Variants in RNF38 observed in about 807,000 individuals in gnomAD.
RNF38 encodes E3 ubiquitin-protein ligase RNF38.
In RNF38, 15 loss-of-function variants were observed where a neutral mutation model predicts 67.2. The ratio of observed to expected loss-of-function variants is 0.22; its 90% CI spans 0.15 to 0.34. RNF38 has a LOEUF of 0.34. Among genes scored for constraint, RNF38 ranks in the 10% least tolerant of loss-of-function variants. RNF38 has a pLI of 1.00. For synonymous variants in RNF38, 220 were observed against 218.8 expected (o/e 1.01, Z -0.05); for missense variants, 524 against 639.9 (o/e 0.82, Z 1.95).
At chr9:36,416,626 C>G (rs1418941074) in intron 2 of RNF38, among the ~76,000 whole-genome samples, 1 of 151,912 alleles carries the variant, frequency 6.6e-6, no homozygotes, top group African/African-American at 2.4e-5. Flanking sequence ...TCCCTGTGGT[C>G]CTTCCCCATT....
At chr9:36,433,982 T>C (rs1241811725) in intron 1 of RNF38, among the ~76,000 whole-genome samples, 7 of 151,800 alleles carry the variant, frequency 4.6e-5, no homozygotes, top group Non-Finnish European at 8.8e-5. Context: ...CTCATGCCTG[T>C]AATTCCAGAC....
chr9:36,454,330 T>C (rs756470216), intron 1 of RNF38, among the ~76,000 whole-genome samples: 4 of 152,062 alleles, frequency 2.6e-5, no homozygotes, highest in Non-Finnish European at 5.9e-5. Context: ...GTTTTGCCAA[T>C]GTTGGCCAGG....
At chr9:36,400,914 GCCCCGCCGCA>G (rs1183050453), upstream of RNF38, 42 of 940,232 alleles carry the variant, frequency 4.5e-5, no homozygotes, top group East Asian at 1.3e-4. Flanking sequence ...GCCCCGCCGC[GCCCCGCCGCA>G]CCCCGCCTCA....
Position 36,339,715 on chromosome 9 carries a change from AG to A in RNF38, c.*36del. The A allele has an allele frequency of 6.5e-7, 1 of 1,541,428 alleles. No homozygotes were observed. Among genetic ancestry groups the A allele is most frequent in the Non-Finnish European group, 8.9e-7 (1 of 1,117,426 alleles). On this transcript the variant is annotated 3_prime_UTR_variant, in exon 12 of 12. Coordinates refer to ENST00000259605, the MANE Select transcript of RNF38 (RefSeq NM_022781.5). ...GGATAGTCCGTATATACATGTGATG[AG>A]GAACACCCAAACTAAATTTGTGCTT...
intron 1 of RNF38, among the ~76,000 whole-genome samples, chr9:36,444,809 G>T (rs1839265889): frequency 6.6e-6 from 1 of 151,374 alleles, no homozygotes. Context: ...CTCAAAAAAA[G>T]ATTTGAATAA....
intron 2 of RNF38, among the ~76,000 whole-genome samples, chr9:36,421,381 G>A (rs1378635157): frequency 2.0e-5 from 3 of 152,060 alleles, no homozygotes; most frequent in Non-Finnish European, 1.5e-5. Context: ...AAGCAGGTTG[G>A]GGCCAGGCAT....
chr9:36,346,339 G>A (rs1833237384), intron 9 of RNF38, among the ~76,000 whole-genome samples: 1 of 152,052 alleles, frequency 6.6e-6, no homozygotes, highest in Non-Finnish European at 1.5e-5. Flanking sequence ...CTGAGTAGCT[G>A]CCCAGCTAAT....
chr9:36,376,866 T>A (rs1039386949), intron 2 of RNF38, among the ~76,000 whole-genome samples: 1 of 150,758 alleles, frequency 6.6e-6, no homozygotes, highest in African/African-American at 2.4e-5. Context: ...GCGGAGGTTG[T>A]TGTGAGCTGA....
chr9:36,455,910 C>CAA (rs557637828), intron 1 of RNF38, among the ~76,000 whole-genome samples: 15 of 94,202 alleles, frequency 1.6e-4, no homozygotes, highest in Admixed American at 2.3e-4. Flanking sequence ...GACTCCACCT[C>CAA]AAAAAAAAAA....
At chr9:36,426,845 C>G (rs1838785546) in intron 1 of RNF38, among the ~76,000 whole-genome samples, 1 of 152,170 alleles carries the variant, frequency 6.6e-6, no homozygotes, top group South Asian at 2.1e-4. Flanking sequence ...ATATGCCTCC[C>G]TCATCTGTAA....
At chr9:36,470,581 G>C (rs1839973482) in intron 1 of RNF38, among the ~76,000 whole-genome samples, 1 of 152,106 alleles carries the variant, frequency 6.6e-6, no homozygotes, top group African/African-American at 2.4e-5. Flanking sequence ...TATGTTATAA[G>C]CTATTTTTCT....
rs1832511088 is a variant in RNF38, at chr9:36,337,191, AGAGTTGCT to A, written c.*2553_*2560del. 6.6e-6 allele frequency: 1 copy of A among 152,250 alleles called. No homozygotes were observed. The highest frequency in any genetic ancestry group is 1.5e-5 in the Non-Finnish European group (1 of 68,046). 9.4% of individuals were successfully genotyped at this position (152,250 alleles called of 1,614,324 possible). On this transcript the variant is annotated 3_prime_UTR_variant, in exon 12 of 12. Coordinates refer to ENST00000259605, the MANE Select transcript of RNF38 (RefSeq NM_022781.5). ...AATAAACTTCTCTTTTGCTAGCCAC[AGAGTTGCT>A]CACTGTGGCAAGCCTGAGCTGGTCA... is the stretch of plus-strand genomic sequence containing the variant.
At chr9:36,470,479 CTAGT>C (rs1391195782) in intron 1 of RNF38, among the ~76,000 whole-genome samples, 2 of 152,150 alleles carry the variant, frequency 1.3e-5, no homozygotes, top group Admixed American at 6.6e-5. Context: ...ACTGCATGCC[CTAGT>C]TAGACAAGAG....
chr9:36,370,345 C>A (rs1379772312), intron 3 of RNF38, among the ~76,000 whole-genome samples: 1 of 152,114 alleles, frequency 6.6e-6, no homozygotes, highest in Non-Finnish European at 1.5e-5. Context: ...CTAATAGGCA[C>A]CTTTTTGTCT....
At chr9:36,461,706 A>C (rs1418754954) in intron 1 of RNF38, among the ~76,000 whole-genome samples, 1 of 152,188 alleles carries the variant, frequency 6.6e-6, no homozygotes, top group African/African-American at 2.4e-5. Context: ...TGTGCTGGAA[A>C]GGACAAGAAT....
chr9:36,368,673 ATAAAAATGTCTGGCATAAGAAGAG>A (rs1433620690), intron 4 of RNF38, among the ~76,000 whole-genome samples: 1 of 152,176 alleles, frequency 6.6e-6, no homozygotes, highest in Non-Finnish European at 1.5e-5. Flanking sequence ...CATGAACATA[ATAAAAATGTCTGGCATAAGAAGAG>A]TATCTAGGTA....
At chr9:36,424,532 G>C in intron 2 of RNF38, 1 of 482,144 alleles carries the variant, frequency 2.1e-6, no homozygotes, top group Non-Finnish European at 2.7e-6. Flanking sequence ...TCTTGCCCTA[G>C]GCCCAGAGTT....
At chr9:36,387,064 A>C (rs1427690715) in intron 2 of RNF38, among the ~76,000 whole-genome samples, 2 of 152,114 alleles carry the variant, frequency 1.3e-5, no homozygotes, top group Admixed American at 6.5e-5. Context: ...CGGCCTCCCA[A>C]ATTGCTGGGA....
chr9:36,411,099 TA>T (rs1459630227), intron 2 of RNF38, among the ~76,000 whole-genome samples: 1 of 148,198 alleles, frequency 6.7e-6, no homozygotes, highest in African/African-American at 2.5e-5. Context: ...AAAATACATG[TA>T]AATCATGTCT....
Sources: allele counts gnomAD v4.1 joint callset (sites outside exome capture counted in the v4.1 genomes callset), GRCh38; gene constraint gnomAD v4.1.1; transcripts MANE v1.5; gene names NCBI Gene and HGNC (gene_info 2026-07-23, HGNC 2026-07-21).